Variants in PIWIL2 observed in about 807,000 individuals in gnomAD.
PIWIL2 encodes the protein piwi-like protein 2.
In PIWIL2, 81 loss-of-function variants were observed where a neutral mutation model predicts 116.5. That is an observed-to-expected ratio of 0.70 (90% confidence interval 0.58 to 0.84). PIWIL2 has a LOEUF of 0.84. PIWIL2 is among the 40% of genes least tolerant of loss of function. The probability of loss-of-function intolerance (pLI) is 0.00; values close to 1 mark genes in which losing one functional copy is unlikely to be tolerated. For synonymous variants in PIWIL2, 489 were observed against 429.5 expected, an observed-to-expected ratio of 1.14 and a Z score of -1.71; for missense variants, 1,272 against 1,212.3, an observed-to-expected ratio of 1.05 and a Z score of -0.73.
At chr8:22,300,548 T>C (rs1831021799) in intron 10 of PIWIL2, among the ~76,000 whole-genome samples, 1 of 152,198 alleles carries the variant, frequency 6.6e-6, no homozygotes, top group Non-Finnish European at 1.5e-5. Context: ...GCGAGTCATA[T>C]GGTAGGTGTG....
intron 4 of PIWIL2, among the ~76,000 whole-genome samples, chr8:22,281,788 T>G (rs1830509260): frequency 6.7e-6 from 1 of 150,304 alleles, no homozygotes; most frequent in African/African-American, 2.5e-5. Flanking sequence ...TTTTTTTTTT[T>G]TGAGATGAAG....
Position 22,288,544 on chromosome 8 carries a change from T to G in PIWIL2, c.864T>G (p.Val288=), listed in dbSNP as rs1217227294. The G allele has an allele frequency of 6.2e-7, 1 of 1,612,032 alleles. No homozygotes were observed. Among genetic ancestry groups the G allele is most frequent in the Non-Finnish European group, 8.5e-7 (1 of 1,178,588 alleles). Residue 288 remains valine, a splice_region_variant and synonymous_variant, in exon 8 of 23, where the codon GTT becomes GTG. Transcript: ENST00000356766. ...ACCTGTGTGTATTTATTTGTTAGGT[T>G]CTTGAGTTAAAAAGTCAAAGGAAAA... ...ILYLPVKLQQ[V]LELKSQRKTD...
intron 20 of PIWIL2, among the ~76,000 whole-genome samples, chr8:22,320,592 C>G (rs1259931049): frequency 6.7e-6 from 1 of 149,038 alleles, no homozygotes; most frequent in Non-Finnish European, 1.5e-5. Context: ...TGGCCATTTT[C>G]TTTTCTTCTT....
At position 22,288,649 on chromosome 8, in the gene PIWIL2, C is replaced by T. The variant is rs971975766; in HGVS notation, c.969C>T (p.Tyr323=). The part of the protein sequence containing the change: ...EPCSDLCIPF[Y]NVVFRRVMKL... ...GCTCTGACCTGTGCATTCCCTTCTACAATGTTGTTTTCCGTCGGTAAGAAA... is the reference window on the plus strand; with the variant it reads ...GCTCTGACCTGTGCATTCCCTTCTATAATGTTGTTTTCCGTCGGTAAGAAA... The change falls in exon 8 of 23, where the codon TAC becomes TAT. Residue 323 remains tyrosine, a synonymous_variant. Transcript: ENST00000356766. The T allele has an allele frequency of 1.9e-6, 3 of 1,609,538 alleles. No homozygotes were observed. The highest frequency in any genetic ancestry group is 2.5e-6 in the Non-Finnish European group (3 of 1,178,074).
At chr8:22,290,175 G>T (rs558169726) in intron 9 of PIWIL2, 58 bp from the exon 10 acceptor site, 9 of 993,730 alleles carry the variant, frequency 9.1e-6, no homozygotes, top group East Asian at 7.4e-5. Flanking sequence ...TCACATGGGG[G>T]CATGGAAGTA....
At chr8:22,339,456 C>T (rs750038145) in intron 20 of PIWIL2, among the ~76,000 whole-genome samples, 2 of 151,164 alleles carry the variant, frequency 1.3e-5, no homozygotes, top group African/African-American at 4.9e-5. Context: ...TTTGGTGAGC[C>T]GAGATCACAC....
chr8:22,283,170 C>T lies in PIWIL2; in HGVS notation c.562C>T (p.Pro188Ser). ...GGGTCCCCCGCAGCTGTCATCACCA[C>T]CAGCTCTGCCCCAGTCTCCCCTGCA... ...SRGPPQLSSP[P>S]ALPQSPLHSP... Residue 188 changes from proline (P) to serine (S), a missense_variant, in exon 5 of 23, where the codon CCA (proline) becomes TCA (serine). Pro to Ser is a moderately conservative substitution (Grantham distance 74, BLOSUM62 -1). Coordinates refer to ENST00000356766, the MANE Select transcript of PIWIL2 (RefSeq NM_018068.5). The T allele has an allele frequency of 1.2e-6, 2 of 1,614,162 alleles. No homozygotes were observed. Among genetic ancestry groups the T allele is most frequent in the Non-Finnish European group, 1.7e-6 (2 of 1,180,002 alleles).
rs540960449 is a variant in PIWIL2, at chr8:22,301,560, C to T, written c.1182-2461C>T. Among the ~76,000 whole-genome samples the T allele has an allele frequency of 3.5e-4, 53 of 152,292 alleles. 2 individuals carry two copies. In the South Asian group the frequency reaches 7.9e-3, roughly 23 times the overall value. ...CCCCCCGCCTCAGCCTCCCAAAGTGCTGGGATTACAGGCATGAGCCACCAT... is the reference window on the plus strand; with the variant it reads ...CCCCCCGCCTCAGCCTCCCAAAGTGTTGGGATTACAGGCATGAGCCACCAT... On this transcript the variant is annotated intron_variant, in intron 10 of 22. Transcript: ENST00000356766.
intron 6 of PIWIL2, among the ~76,000 whole-genome samples, chr8:22,286,431 T>C (rs569849210): frequency 6.6e-6 from 1 of 151,978 alleles, no homozygotes; most frequent in African/African-American, 2.4e-5. Context: ...GCCAGAAAAG[T>C]GGGGGAAATT....
intron 20 of PIWIL2, 58 bp downstream of exon 20, chr8:22,318,333 TTG>T: frequency 1.0e-6 from 1 of 982,360 alleles, no homozygotes; most frequent in Non-Finnish European, 1.6e-6. Flanking sequence ...ATTTTTTTTT[TTG>T]AGACAGAGTC....
Position 22,289,860 on chromosome 8 carries a change from T to G in PIWIL2, c.1000T>G (p.Leu334Val). Residue 334 changes from leucine (L) to valine (V), a missense_variant, in exon 9 of 23, where the codon TTA becomes GTA. Leu to Val is a conservative substitution (Grantham distance 32). Coordinates refer to ENST00000356766, the MANE Select transcript of PIWIL2 (RefSeq NM_018068.5). Reference protein sequence around the residue: ...NVVFRRVMKLLDMKLVGRNFY... With the variant: ...NVVFRRVMKLVDMKLVGRNFY... ...TTTTTATTTCAGGGTAATGAAACTT[T>G]TAGATATGAAGCTTGTGGGGAGAAA... is the stretch of plus-strand genomic sequence containing the variant. 6.2e-7 allele frequency: 1 copy of G among 1,605,094 alleles called. No individual in the cohort carries two copies. Among genetic ancestry groups the G allele is most frequent in the South Asian group, 1.1e-5 (1 of 90,822 alleles).
intron 20 of PIWIL2, among the ~76,000 whole-genome samples, chr8:22,338,269 C>T (rs936717066): frequency 6.6e-6 from 1 of 152,168 alleles, no homozygotes; most frequent in Non-Finnish European, 1.5e-5. Flanking sequence ...AACGACAACA[C>T]AAACCTGCCA....
chr8:22,279,338 C>T lies in PIWIL2; in HGVS notation c.-46-3C>T. ...AATCTTAATCTTTTGAAAATGATGGCAGGTAATTAACCAGAACAGGATCGA... is the reference window on the plus strand; with the variant it reads ...AATCTTAATCTTTTGAAAATGATGGTAGGTAATTAACCAGAACAGGATCGA... On this transcript the variant is annotated splice_region_variant and splice_polypyrimidine_tract_variant and intron_variant, in intron 1 of 22. Coordinates refer to ENST00000356766, the MANE Select transcript of PIWIL2 (RefSeq NM_018068.5). 1 of 1,354,206 alleles carries T rather than the reference C, an allele frequency of 7.4e-7. No individual in the cohort carries two copies. Among genetic ancestry groups the T allele is most frequent in the Non-Finnish European group, 1.1e-6 (1 of 943,740 alleles). The allele number at this position is 1,354,206 out of a possible 1,614,324, so 83.9% of individuals were successfully genotyped here.
At position 22,279,508 on chromosome 8, in the gene PIWIL2, G is replaced by A. The variant is rs549416857; in HGVS notation, c.122G>A (p.Arg41Lys). The change falls in exon 2 of 23, where the codon AGG becomes AAG. Residue 41 changes from arginine (R) to lysine (K), a missense_variant. Coordinates refer to ENST00000356766, the MANE Select transcript of PIWIL2 (RefSeq NM_018068.5). ...AAACCTTTGGACCCAGCTCTGGGCA[G>A]GGGAGCACCTGCAGGCAGAGGCCAT... is the stretch of plus-strand genomic sequence containing the variant. ...ASKPLDPALG[R>K]GAPAGRGHVF... The A allele has an allele frequency of 2.4e-5, 39 of 1,614,058 alleles. 1 individual carries two copies. The South Asian group carries it at 4.2e-4, about 17-fold the overall frequency.
chr8:22,320,382 C>T (rs1343376672), intron 20 of PIWIL2, among the ~76,000 whole-genome samples: 2 of 151,208 alleles, frequency 1.3e-5, no homozygotes, highest in Non-Finnish European at 2.9e-5. Flanking sequence ...ATTCAACTGC[C>T]TCAGCCTCCC....
At chr8:22,296,610 C>G (rs954335902) in intron 10 of PIWIL2, among the ~76,000 whole-genome samples, 1 of 152,166 alleles carries the variant, frequency 6.6e-6, no homozygotes, top group African/African-American at 2.4e-5. Flanking sequence ...AGGCACTACT[C>G]CATCGTCCTT....
chr8:22,284,140 G>GC (rs1240497770), intron 5 of PIWIL2, 22 bp from the exon 6 acceptor site: 14 of 1,359,356 alleles, frequency 1.0e-5, no homozygotes, highest in Non-Finnish European at 1.4e-5. Context: ...ATATGCAGTT[G>GC]CTTTTTGTTT....
intron 2 of PIWIL2, among the ~76,000 whole-genome samples, chr8:22,280,317 TAAAG>T (rs948218628): frequency 2.0e-5 from 3 of 152,146 alleles, no homozygotes; most frequent in African/African-American, 7.2e-5. Flanking sequence ...GCCCAAATCT[TAAAG>T]AAAAAGGATC....
chr8:22,323,216 C>T (rs572390291), intron 20 of PIWIL2, among the ~76,000 whole-genome samples: 7 of 140,160 alleles, frequency 5.0e-5, no homozygotes, highest in African/African-American at 1.6e-4. Context: ...GGCACATTCT[C>T]GGCTCACTGC....
Sources: allele counts gnomAD v4.1 joint callset (sites outside exome capture counted in the v4.1 genomes callset), GRCh38; gene constraint gnomAD v4.1.1; transcripts MANE v1.5; gene names NCBI Gene and HGNC (gene_info 2026-07-23, HGNC 2026-07-21).